SDK1: variants seen among roughly 807,000 people sequenced by gnomAD.
SDK1 encodes protein sidekick-1.
SDK1 carries 157 observed loss-of-function variants against 245.5 expected under a neutral mutation model. That is an observed-to-expected ratio of 0.64 (90% CI 0.56 to 0.73). The LOEUF is 0.73. Among genes scored for constraint, SDK1 ranks in the 30% least tolerant of loss-of-function variants. The probability of loss-of-function intolerance (pLI) is 0.00; values close to 1 mark genes in which losing one functional copy is unlikely to be tolerated. For missense variants in SDK1, 3,583 were observed against 3,002.3 expected, an observed-to-expected ratio of 1.19 and a Z score of -4.52; for synonymous variants, 1,647 against 1,278.5, an observed-to-expected ratio of 1.29 and a Z score of -6.15.
chr7:4,100,201 A>G (rs1247382709), intron 22 of SDK1, among the ~76,000 whole-genome samples: 1 of 152,184 alleles, frequency 6.6e-6, no homozygotes, highest in East Asian at 1.9e-4. Flanking sequence ...GAGAGGGATC[A>G]GATCTGATGG....
chr7:4,040,507 G>A (rs1041062055), intron 17 of SDK1, among the ~76,000 whole-genome samples: 3 of 152,182 alleles, frequency 2.0e-5, no homozygotes, highest in African/African-American at 7.2e-5. Flanking sequence ...GTGAGGTTAA[G>A]AGTGGAGGTT....
At chr7:4,086,317 A>C (rs1562789017) in intron 22 of SDK1, among the ~76,000 whole-genome samples, 1 of 152,172 alleles carries the variant, frequency 6.6e-6, no homozygotes, top group Non-Finnish European at 1.5e-5. Flanking sequence ...AATCACCAAA[A>C]ACTGAGTGGC....
intron 1 of SDK1, among the ~76,000 whole-genome samples, chr7:3,427,459 C>T (rs894768035): frequency 3.4e-5 from 5 of 146,224 alleles, no homozygotes; most frequent in Non-Finnish European, 7.4e-5. Context: ...AGGGAGGTTG[C>T]AGTGAGCTGA....
At chr7:4,085,696 A>G (rs550416969) in intron 22 of SDK1, among the ~76,000 whole-genome samples, 1 of 152,216 alleles carries the variant, frequency 6.6e-6, no homozygotes, top group South Asian at 2.1e-4. Flanking sequence ...CTGGGATTAC[A>G]GGTGCTCGCC....
Position 4,161,354 on chromosome 7 carries a change from C to G in SDK1, c.4730-432C>G, listed in dbSNP as rs113905887. Among the ~76,000 whole-genome samples the G allele has an allele frequency of 3.0e-4, 45 of 152,280 alleles. 1 individual carries two copies. The highest frequency in any genetic ancestry group is 9.4e-4 in the African/African-American group (39 of 41,552). On this transcript the variant is annotated intron_variant, in intron 31 of 44. Transcript: ENST00000404826. ...CCTGACAGCCTTTTAGTGTTTCAAA[C>G]CAAGTGACCTGGCATGATCATGTGT...
At position 3,582,668 on chromosome 7, in the gene SDK1, G is replaced by A. The variant is rs573763616; in HGVS notation, c.299-36412G>A. Among the ~76,000 whole-genome samples, 4 of 100,356 alleles carry A rather than the reference G, an allele frequency of 4.0e-5. No individual in the cohort carries two copies. In the South Asian group the frequency reaches 1.4e-3, roughly 36 times the overall value. 65.8% of individuals were successfully genotyped at this position (100,356 alleles called of 152,430 possible). On this transcript the variant is annotated intron_variant, in intron 1 of 44. Coordinates refer to ENST00000404826, the MANE Select transcript of SDK1 (RefSeq NM_152744.4). ...ATAACAAACCTGCACATGTAGCCCT[G>A]AACCTAAACTAAAGTAAAAAAAAAA... is the stretch of plus-strand genomic sequence containing the variant.
At chr7:4,111,156 G>T (rs1380878639) in intron 23 of SDK1, among the ~76,000 whole-genome samples, 2 of 152,184 alleles carry the variant, frequency 1.3e-5, no homozygotes, top group East Asian at 3.9e-4. Context: ...GTCCTAGGAA[G>T]ATCCTTCTGC....
chr7:4,025,527 A>C (rs949410658), intron 17 of SDK1, among the ~76,000 whole-genome samples: 2 of 152,214 alleles, frequency 1.3e-5, no homozygotes, highest in Non-Finnish European at 2.9e-5. Flanking sequence ...GTGGAAAAAT[A>C]AACCAATCTA....
chr7:3,347,627 C>T (rs554458235), intron 1 of SDK1, among the ~76,000 whole-genome samples: 1 of 152,250 alleles, frequency 6.6e-6, no homozygotes, highest in East Asian at 1.9e-4. Context: ...TTCCCTGTGG[C>T]ATGGTTTTTA....
intron 5 of SDK1, among the ~76,000 whole-genome samples, chr7:3,938,130 C>G (rs996307765): frequency 6.6e-6 from 1 of 152,232 alleles, no homozygotes; most frequent in African/African-American, 2.4e-5. Context: ...AGCTACCGCA[C>G]CTGGCTTCCA....
chr7:3,528,842 G>T (rs1783243093), intron 1 of SDK1, among the ~76,000 whole-genome samples: 1 of 152,058 alleles, frequency 6.6e-6, no homozygotes. Flanking sequence ...GTAGGTTTGG[G>T]GCTGAAAATG....
chr7:4,152,401 T>C (rs1480746633), intron 30 of SDK1, among the ~76,000 whole-genome samples: 1 of 152,176 alleles, frequency 6.6e-6, no homozygotes, highest in African/African-American at 2.4e-5. Flanking sequence ...CTTAATAAAG[T>C]ACACAGGATG....
intron 1 of SDK1, among the ~76,000 whole-genome samples, chr7:3,575,308 G>A (rs1167509649): frequency 6.6e-6 from 1 of 151,948 alleles, no homozygotes; most frequent in Non-Finnish European, 1.5e-5. Context: ...GTCTCTTCTT[G>A]TAAGGGCACC....
At chr7:3,962,467 C>G (rs930317429) in intron 8 of SDK1, among the ~76,000 whole-genome samples, 190 bp from the exon 9 acceptor site, 2 of 152,214 alleles carry the variant, frequency 1.3e-5, no homozygotes, top group Admixed American at 6.5e-5. Context: ...AGCTGTTCCT[C>G]TCAACACCCC....
chr7:3,354,346 A>C (rs982052956), intron 1 of SDK1, among the ~76,000 whole-genome samples: 6 of 151,900 alleles, frequency 3.9e-5, no homozygotes, highest in Non-Finnish European at 1.5e-5. Flanking sequence ...AAAAACAGGG[A>C]TATAAACCTA....
intron 1 of SDK1, among the ~76,000 whole-genome samples, chr7:3,525,503 A>G (rs1362924452): frequency 6.6e-6 from 1 of 151,310 alleles, no homozygotes; most frequent in Non-Finnish European, 1.5e-5. Context: ...GCTGAACTGA[A>G]CTCGGCATCT....
chr7:3,732,076 C>T (rs1779196103), intron 4 of SDK1, among the ~76,000 whole-genome samples: 1 of 152,234 alleles, frequency 6.6e-6, no homozygotes, highest in East Asian at 1.9e-4. Flanking sequence ...AGGCGTGAGC[C>T]ACCACACCCA....
At chr7:4,255,096 C>T (rs1364017608) in intron 44 of SDK1, among the ~76,000 whole-genome samples, 5 of 152,226 alleles carry the variant, frequency 3.3e-5, no homozygotes, top group Admixed American at 1.3e-4. Context: ...TTGAAGCTTG[C>T]TCTGACACTA....
intron 22 of SDK1, among the ~76,000 whole-genome samples, chr7:4,108,934 C>T (rs1191033666): frequency 6.6e-6 from 1 of 152,188 alleles, no homozygotes; most frequent in African/African-American, 2.4e-5. Flanking sequence ...GTGCATGGAC[C>T]TTGGGTCAGG....
Sources: gnomAD v4.1 joint callset for allele counts (sites outside exome capture counted in the v4.1 genomes callset) on GRCh38, gnomAD v4.1.1 for gene constraint, MANE v1.5 for transcripts, NCBI Gene and HGNC (gene_info 2026-07-23, HGNC 2026-07-21) for gene names.